The following DAB1 variants were observed in gnomAD, a reference collection of about 807,000 sequenced individuals.
DAB1 encodes disabled homolog 1.
DAB1 carries 15 observed loss-of-function variants against 64.6 expected under a neutral mutation model. That is an observed-to-expected ratio of 0.23 (90% CI 0.16 to 0.36). DAB1 has a LOEUF of 0.36. DAB1 is among the 10% of genes least tolerant of loss of function. The pLI, the probability that DAB1 is intolerant of heterozygous loss-of-function variation, is 1.00. For missense variants in DAB1, 596 were observed against 706.7 expected (o/e 0.84, Z 1.78); for synonymous variants, 235 against 251.9 (o/e 0.93, Z 0.64).
At chr1:57,079,185 TTTC>T (rs1358158274) in intron 4 of DAB1, among the ~76,000 whole-genome samples, 1 of 152,136 alleles carries the variant, frequency 6.6e-6, no homozygotes, top group Non-Finnish European at 1.5e-5. Context: ...TACTAGTAAT[TTTC>T]TTCTTATTTA....
chr1:57,558,504 C>A (rs1301506334), intron 7 of DAB1, among the ~76,000 whole-genome samples: 1 of 152,094 alleles, frequency 6.6e-6, no homozygotes, highest in Non-Finnish European at 1.5e-5. Flanking sequence ...AAACAGAAAT[C>A]TGGAAAATAG....
At chr1:57,842,187 G>A (rs1653083914) in intron 1 of DAB1, among the ~76,000 whole-genome samples, 1 of 152,182 alleles carries the variant, frequency 6.6e-6, no homozygotes, top group Non-Finnish European at 1.5e-5. Context: ...CTGCAAGTCT[G>A]TTTGCTAATG....
chr1:58,337,247 A>G (rs892177494), intron 4 of DAB1, among the ~76,000 whole-genome samples: 4 of 150,620 alleles, frequency 2.7e-5, no homozygotes, highest in African/African-American at 9.8e-5. Context: ...ATGCCACTGC[A>G]CTCCAGCCTG....
rs562937830 is a variant in DAB1, at chr1:58,361,960, G to A, written n.258-18557C>T. The stretch of plus-strand genomic sequence containing the variant: ...TTTCACTGCAATCTCCACCTCCTGG[G>A]TTCCAGCAATTCTCCTACCTCGGCC... On this transcript the variant is annotated intron_variant and non_coding_transcript_variant, in intron 3 of 20. Coordinates refer to the DAB1 transcript ENST00000485760. Among the ~76,000 whole-genome samples, 3 of 145,576 alleles carry A rather than the reference G, an allele frequency of 2.1e-5. No homozygotes were observed. In the South Asian group the frequency reaches 6.6e-4, roughly 32 times the overall value.
intron 5 of DAB1, among the ~76,000 whole-genome samples, chr1:58,014,512 C>A (rs1174090998): frequency 6.6e-6 from 1 of 152,212 alleles, no homozygotes; most frequent in African/African-American, 2.4e-5. Flanking sequence ...ACAAAGATGG[C>A]AGGTGCAGAT....
In DAB1 at chr1:57,145,304, T is replaced by G; in HGVS notation, c.193A>C (p.Met65Leu). The G allele has an allele frequency of 1.2e-6, 2 of 1,614,122 alleles. No homozygotes were observed. The highest frequency in any genetic ancestry group is 1.7e-6 in the Non-Finnish European group (2 of 1,179,972). Residue 65 changes from methionine (M) to leucine (L), a missense_variant, in exon 3 of 15, where the codon ATG becomes CTG. Physicochemically the swap from Met to Leu is conservative, Grantham distance 15 (BLOSUM62 2). Coordinates refer to ENST00000371236, the MANE Select transcript of DAB1 (RefSeq NM_001365792.1). ...ARGDKLCQDS[M>L]MKLKGVVAGA... is the part of the protein sequence containing the mutation. The stretch of plus-strand genomic sequence containing the variant: ...TTGCATAGCACCTTGAGTTTCATCA[T>G]GGAATCTTGACATAACTTGTCTCCC...
intron 2 of DAB1, among the ~76,000 whole-genome samples, chr1:57,198,996 C>G (rs1357743138): frequency 6.6e-6 from 1 of 152,114 alleles, no homozygotes; most frequent in East Asian, 1.9e-4. Context: ...TGGGCACCCC[C>G]AGGCCACTGG....
chr1:57,748,984 G>A (rs10889070), intron 6 of DAB1, among the ~76,000 whole-genome samples: 57,673 of 152,040 alleles, frequency 0.38, 11,181 homozygotes, highest in Admixed American at 0.43. Flanking sequence ...ATGGCTTTCA[G>A]CAAAGCTGAG....
At chr1:57,262,610 C>CG (rs1466140790) in intron 2 of DAB1, among the ~76,000 whole-genome samples, 8 of 152,330 alleles carry the variant, frequency 5.3e-5, no homozygotes, top group African/African-American at 1.9e-4. Context: ...TCTTATCACC[C>CG]GGAGTTCTTT....
intron 4 of DAB1, among the ~76,000 whole-genome samples, chr1:58,254,470 G>T (rs1660879892): frequency 7.5e-6 from 1 of 133,296 alleles, no homozygotes; most frequent in Non-Finnish European, 1.6e-5. Context: ...GTATACATGT[G>T]CCATGCTGGT....
rs538546956 is a variant in DAB1 at position 57,810,752 on chromosome 1, A to G, written n.551+73247T>C. On this transcript the variant is annotated intron_variant and non_coding_transcript_variant, in intron 6 of 20. Coordinates refer to the DAB1 transcript ENST00000485760. The stretch of plus-strand genomic sequence containing the variant: ...CTAAAAGTAGGACTTCTCATACTGA[A>G]GTTGCCTGCTTACAACTAGGCCCTA... Among the ~76,000 whole-genome samples the G allele has an allele frequency of 8.6e-4, 131 of 152,316 alleles. 1 individual carries two copies. Among genetic ancestry groups the G allele is most frequent in the African/African-American group, 3.1e-3 (130 of 41,572 alleles).
intron 2 of DAB1, among the ~76,000 whole-genome samples, chr1:57,203,695 T>C (rs1353575442): frequency 1.3e-5 from 2 of 152,198 alleles, no homozygotes; most frequent in East Asian, 3.9e-4. Flanking sequence ...TTTTGTGACC[T>C]CTGCACTGGA....
intron 1 of DAB1, among the ~76,000 whole-genome samples, chr1:57,381,560 AT>A (rs1179111922): frequency 6.6e-6 from 1 of 152,086 alleles, no homozygotes; most frequent in Admixed American, 6.5e-5. Context: ...GATGATCTCT[AT>A]TTTGTTCAGG....
chr1:57,605,377 G>T (rs186664536), intron 7 of DAB1, among the ~76,000 whole-genome samples: 1 of 152,192 alleles, frequency 6.6e-6, no homozygotes, highest in Admixed American at 6.5e-5. Context: ...AGAGTAGATC[G>T]GAGGCCTCTG....
At chr1:58,105,283 T>C (rs1027201080) in intron 5 of DAB1, among the ~76,000 whole-genome samples, 2 of 152,198 alleles carry the variant, frequency 1.3e-5, no homozygotes, top group African/African-American at 4.8e-5. Context: ...TTAGGTCTTG[T>C]TCAGTTAAAA....
intron 5 of DAB1, among the ~76,000 whole-genome samples, chr1:58,104,088 C>T (rs1651493199): frequency 1.3e-5 from 2 of 152,208 alleles, no homozygotes; most frequent in Non-Finnish European, 2.9e-5. Flanking sequence ...GATTCTCCAA[C>T]AGCTGCTAAG....
chr1:58,143,227 G>C lies in DAB1; in HGVS notation n.387+7284C>G, dbSNP rs142624309. ...TCCTCAATAAATGCTTTATTGAATG[G>C]AAGTGTTTACATGACACAGCCCCTA... is the stretch of plus-strand genomic sequence containing the variant. On this transcript the variant is annotated intron_variant and non_coding_transcript_variant, in intron 5 of 20. Transcript: ENST00000485760. Among the ~76,000 whole-genome samples, 634 of 152,206 alleles carry C rather than the reference G, an allele frequency of 4.2e-3. 5 individuals carry two copies. The highest frequency in any genetic ancestry group is 0.014 in the African/African-American group (602 of 41,538).
chr1:57,934,476 T>C (rs765409117), intron 5 of DAB1, among the ~76,000 whole-genome samples: 11 of 152,202 alleles, frequency 7.2e-5, no homozygotes, highest in Non-Finnish European at 1.2e-4. Flanking sequence ...ATTGCTGTTA[T>C]AGTATGCTTA....
rs191882091 is a variant in DAB1 at position 57,562,791 on chromosome 1, C to T, written n.625+86801G>A. On this transcript the variant is annotated intron_variant and non_coding_transcript_variant, in intron 7 of 20. Transcript: ENST00000485760. ...ATGCTGCCACCAGGAGACACGACAA[C>T]GATTCCATTAAACTGGAAGTTAAGA... is the stretch of plus-strand genomic sequence containing the variant. Among the ~76,000 whole-genome samples the T allele has an allele frequency of 1.6e-3, 241 of 152,232 alleles. 1 individual carries two copies. Among genetic ancestry groups the T allele is most frequent in the African/African-American group, 4.7e-3 (196 of 41,528 alleles).
Sources: gnomAD v4.1 joint callset for allele counts (sites outside exome capture counted in the v4.1 genomes callset) on GRCh38, gnomAD v4.1.1 for gene constraint, MANE v1.5 for transcripts, NCBI Gene and HGNC (gene_info 2026-07-23, HGNC 2026-07-21) for gene names.